CHD9: variants seen among roughly 807,000 people sequenced by gnomAD.
CHD9 encodes chromodomain helicase DNA binding protein 9, also known as ATP-dependent chromatin remodeler CHD9.
CHD9 carries 77 observed loss-of-function variants against 316.1 expected under a neutral mutation model. The observed-to-expected ratio is 0.24, with a 90% confidence interval of 0.20 to 0.29. CHD9 has a LOEUF of 0.29. CHD9 is among the 10% of genes least tolerant of loss of function. CHD9 has a pLI of 1.00. For synonymous variants in CHD9, 1,129 were observed against 1,158.3 expected (o/e 0.97, Z 0.51); for missense variants, 2,763 against 3,438.1 (o/e 0.80, Z 4.91).
rs1166073629 is a variant in CHD9 at position 53,109,677 on chromosome 16, C to CTTTTTTTT, written c.-164-46231_-164-46224dup. 3.3e-3 allele frequency among the ~76,000 whole-genome samples: 238 copies of CTTTTTTTT among 71,592 alleles called. 12 individuals are homozygous for CTTTTTTTT. The highest frequency in any genetic ancestry group is 8.3e-3 in the African/African-American group (141 of 16,986). 47.0% of individuals were successfully genotyped at this position (71,592 alleles called of 152,430 possible). A position where few individuals can be genotyped will look rare whatever the true frequency, so the allele number is the denominator to read the frequency against. The stretch of plus-strand genomic sequence containing the variant: ...GCCTAAAAATTTGGATTCCCAGTTT[C>CTTTTTTTT]TTTTTTTTTTTTTTTTTTTTTTTTT... On this transcript the variant is annotated intron_variant, in intron 1 of 38. Coordinates refer to ENST00000447540, the MANE Select transcript of CHD9 (RefSeq NM_001308319.2).
chr16:53,155,230 G>GT lies in CHD9; in HGVS notation c.-164-686dup, dbSNP rs970480090. 6.2e-3 allele frequency among the ~76,000 whole-genome samples: 914 copies of GT among 147,394 alleles called. 9 individuals carry two copies. Among genetic ancestry groups the GT allele is most frequent in the African/African-American group, 0.015 (599 of 40,276 alleles). On this transcript the variant is annotated intron_variant, in intron 1 of 38. Coordinates refer to ENST00000447540, the MANE Select transcript of CHD9 (RefSeq NM_001308319.2). ...AATTAGATTGAATAAAATCAGTTTT[G>GT]TTTTTTTTTTGAGACAGTGTCTCAC...
intron 16 of CHD9, among the ~76,000 whole-genome samples, chr16:53,249,131 GA>G (rs2049922018): frequency 6.6e-6 from 1 of 151,946 alleles, no homozygotes; most frequent in African/African-American, 2.4e-5. Context: ...AAATTTCATG[GA>G]AAATTCAGAG....
In CHD9 at chr16:53,063,358, T is replaced by TCACACACACACACA. The variant is rs67988137; in HGVS notation, c.-165+8312_-165+8325dup. Among the ~76,000 whole-genome samples, 334 of 137,120 alleles carry TCACACACACACACA rather than the reference T, an allele frequency of 2.4e-3. 1 individual carries two copies. Among genetic ancestry groups the TCACACACACACACA allele is most frequent in the Non-Finnish European group, 3.2e-3 (203 of 63,596 alleles). The allele number at this position is 137,120 out of a possible 152,430, so 90.0% of individuals were successfully genotyped here. ...AGAATTATGCTGCTTCTCATAAATT[T>TCACACACACACACA]CACACACACACACACACACACACAC... On this transcript the variant is annotated intron_variant, in intron 1 of 38. Transcript: ENST00000447540.
intron 1 of CHD9, 105 bp from the exon 2 acceptor site, chr16:53,155,821 G>T: frequency 2.6e-6 from 1 of 383,144 alleles, no homozygotes; most frequent in Non-Finnish European, 4.7e-6. Context: ...GTGGTATTTT[G>T]TGACTGACCT....
At chr16:53,282,469 G>A (rs186193275) in intron 24 of CHD9, among the ~76,000 whole-genome samples, 14 of 152,192 alleles carry the variant, frequency 9.2e-5, no homozygotes, top group African/African-American at 2.6e-4. Context: ...GGCTAGGTGC[G>A]GTAGTGCATG....
intron 2 of CHD9, among the ~76,000 whole-genome samples, chr16:53,166,801 TAAG>T (rs1357964200): frequency 1.7e-3 from 261 of 152,290 alleles, no homozygotes; most frequent in African/African-American, 6.1e-3. Context: ...ATTTACTATG[TAAG>T]GAATACTTTA....
At chr16:53,228,867 G>A (rs532006489) in intron 7 of CHD9, 116 bp from the exon 8 acceptor site, 1 of 521,106 alleles carries the variant, frequency 1.9e-6, no homozygotes, top group Admixed American at 3.4e-5. Flanking sequence ...GTTAAATGAT[G>A]AACTACCTAT....
At chr16:53,097,388 CTTCCTTCCTTCCTTCCTTCT>C (rs1308257707) in intron 1 of CHD9, among the ~76,000 whole-genome samples, 1 of 49,774 alleles carries the variant, frequency 2.0e-5, no homozygotes, top group Non-Finnish European at 3.6e-5. Context: ...TCCTTCCTTC[CTTCCTTCCTTCCTTCCTTCT>C]TTCTCTTTCT....
intron 1 of CHD9, among the ~76,000 whole-genome samples, chr16:53,087,933 G>A (rs1031300355): frequency 5.3e-5 from 8 of 149,570 alleles, no homozygotes; most frequent in Admixed American, 3.3e-4. Flanking sequence ...GGGCAACAGA[G>A]CAAGAGTCTG....
chr16:53,255,875 A>G lies in CHD9; in HGVS notation c.4209+96A>G, dbSNP rs2050547567. On this transcript the variant is annotated intron_variant, in intron 19 of 38. Transcript: ENST00000447540. ...TCTCTTATACCGAATGTTTAAACAT[A>G]CTGAATTAGCCAAGATGCAGTAGGT... The G allele has an allele frequency of 9.4e-6, 11 of 1,166,028 alleles. No individual in the cohort carries two copies. In the South Asian group the frequency reaches 1.5e-4, roughly 16 times the overall value. The allele number at this position is 1,166,028 out of a possible 1,614,324, so 72.2% of individuals were successfully genotyped here. A position where few individuals can be genotyped will look rare whatever the true frequency, so the allele number is the denominator to read the frequency against.
At chr16:53,314,323 AGTTT>A in intron 34 of CHD9, 50 bp from the exon 35 acceptor site, 2 of 1,285,444 alleles carry the variant, frequency 1.6e-6, no homozygotes, top group Non-Finnish European at 2.1e-6. Context: ...GATTACTTTC[AGTTT>A]GTTTAAGAAC....
intron 1 of CHD9, among the ~76,000 whole-genome samples, chr16:53,146,796 C>CAA (rs59556450): frequency 1.7e-5 from 2 of 120,730 alleles, no homozygotes; most frequent in Admixed American, 8.9e-5. Context: ...GAGACGGTCT[C>CAA]AAAAAAAAAA....
chr16:53,141,253 C>G (rs966604814), intron 1 of CHD9, among the ~76,000 whole-genome samples: 1 of 152,166 alleles, frequency 6.6e-6, no homozygotes, highest in African/African-American at 2.4e-5. Context: ...GATTAAGTGT[C>G]TTGCCTAGGA....
chr16:53,131,355 G>T (rs2039287485), intron 1 of CHD9: 1 of 156,740 alleles, frequency 6.4e-6, no homozygotes, highest in South Asian at 1.8e-4. Flanking sequence ...GTGGGGGGAG[G>T]GGGGAGGGGC....
intron 30 of CHD9, among the ~76,000 whole-genome samples, chr16:53,300,203 A>G (rs1374040027): frequency 6.6e-6 from 1 of 152,124 alleles, no homozygotes. Flanking sequence ...GATACAAAAA[A>G]TTAGCCGGGT....
At chr16:53,091,758 AC>A (rs951175351) in intron 1 of CHD9, among the ~76,000 whole-genome samples, 1 of 152,086 alleles carries the variant, frequency 6.6e-6, no homozygotes, top group African/African-American at 2.4e-5. Flanking sequence ...CTGTTCAAGG[AC>A]TGTTTTCTGA....
Position 53,156,064 on chromosome 16 carries a change from G to A in CHD9, c.-26G>A. 6.3e-7 allele frequency: 1 copy of A among 1,595,492 alleles called. No homozygotes were observed. Among genetic ancestry groups the A allele is most frequent in the East Asian group, 2.2e-5 (1 of 44,812 alleles). ...GAATATACTCCATTTGGAGTGAACA[G>A]CCCGGATTGTTACAGAATTTTCAAG... is the stretch of plus-strand genomic sequence containing the variant. On this transcript the variant is annotated 5_prime_UTR_variant, in exon 2 of 39. Transcript: ENST00000447540.
chr16:53,157,174 C>G lies in CHD9; in HGVS notation c.1085C>G (p.Pro362Arg). The change falls in exon 2 of 39, where the codon CCA becomes CGA. Residue 362 changes from proline (P) to arginine (R), a missense_variant. By Grantham distance (103) the Pro-to-Arg change is moderately radical (BLOSUM62 -2). Around this residue, in one of 15 missense-constraint regions of CHD9, gnomAD observed 859 missense variants for 890.4 expected, o/e 0.96. Coordinates refer to ENST00000447540, the MANE Select transcript of CHD9 (RefSeq NM_001308319.2). ...SKLSPVHMNFPDPVDSGTQMG... is the reference protein window; with the variant it reads ...SKLSPVHMNFRDPVDSGTQMG... Reference sequence around the variant, plus strand: ...TTATCTCCTGTGCACATGAACTTCCCAGATCCTGTTGACTCAGGAACTCAA... The same window carrying G: ...TTATCTCCTGTGCACATGAACTTCCGAGATCCTGTTGACTCAGGAACTCAA... The G allele has an allele frequency of 6.2e-7, 1 of 1,608,982 alleles. No homozygotes were observed. Among genetic ancestry groups the G allele is most frequent in the South Asian group, 1.1e-5 (1 of 90,448 alleles).
chr16:53,182,564 A>T (rs942379753), intron 2 of CHD9, among the ~76,000 whole-genome samples: 1 of 152,208 alleles, frequency 6.6e-6, no homozygotes. Flanking sequence ...CATTTGATAC[A>T]AAAGTATCTT....
Sources: allele counts gnomAD v4.1 joint callset (sites outside exome capture counted in the v4.1 genomes callset), GRCh38; gene constraint gnomAD v4.1.1; regional missense constraint gnomAD v4.1.1; transcripts MANE v1.5; gene names NCBI Gene and HGNC (gene_info 2026-07-23, HGNC 2026-07-21).